OR2T34: variants seen among roughly 807,000 people sequenced by gnomAD.
OR2T34 encodes olfactory receptor family 2 subfamily T member 34, also known as olfactory receptor 2T34.
For synonymous variants in OR2T34, 73 were observed against 151.2 expected (o/e 0.48, Z 3.79); for missense variants, 200 against 384.5 (o/e 0.52, Z 4.01).
In OR2T34 at chr1:248,573,999, C is replaced by G. The variant is rs1659710710; in HGVS notation, c.759G>C (p.Val253=). 6.3e-7 allele frequency: 1 copy of G among 1,576,536 alleles called. No homozygotes were observed. The highest frequency in any genetic ancestry group is 8.6e-7 in the Non-Finnish European group (1 of 1,166,694). The change falls in exon 1 of 1, where the codon GTG becomes GTC. Residue 253 remains valine, a synonymous_variant. Transcript: ENST00000328782. ...LATCSSHMII[V]LLLFGASFYT... ...AGAAGGAAGCACCGAAGAGCAGCAG[C>G]ACTATGATCATGTGGGAGGAGCAGG...
In OR2T34 at chr1:248,573,963, C is replaced by A. The variant is rs1462214440; in HGVS notation, c.795G>T (p.Met265Ile). 9.8e-7 allele frequency: 1 copy of A among 1,016,266 alleles called. No homozygotes were observed. Among genetic ancestry groups the A allele is most frequent in the Admixed American group, 1.9e-5 (1 of 51,680 alleles). The allele number at this position is 1,016,266 out of a possible 1,614,324, so 63.0% of individuals were successfully genotyped here. Residue 265 changes from methionine (M) to isoleucine (I), a missense_variant, in exon 1 of 1, where the codon ATG becomes ATT. Met to Ile is a conservative substitution (Grantham distance 10). Coordinates refer to ENST00000328782, the MANE Select transcript of OR2T34 (RefSeq NM_001001821.1). ...CAGCTGTGTGGTAGGAACTCCGGAG[C>A]ATGTAGGTGTAGAAGGAAGCACCGA... The part of the protein sequence containing the change: ...LLFGASFYTY[M>I]LRSSYHTAEQ...
Position 248,574,001 on chromosome 1 carries a change from C to G in OR2T34, c.757G>C (p.Val253Leu). 1 of 1,578,796 alleles carries G rather than the reference C, an allele frequency of 6.3e-7. No individual in the cohort carries two copies. Among genetic ancestry groups the G allele is most frequent in the Non-Finnish European group, 8.6e-7 (1 of 1,168,098 alleles). The change falls in exon 1 of 1, where the codon GTG (valine) becomes CTG (leucine). Residue 253 changes from valine to leucine, a missense_variant. Coordinates refer to ENST00000328782, the MANE Select transcript of OR2T34 (RefSeq NM_001001821.1). ...AAGGAAGCACCGAAGAGCAGCAGCACTATGATCATGTGGGAGGAGCAGGTG... is the reference window on the plus strand; with the variant it reads ...AAGGAAGCACCGAAGAGCAGCAGCAGTATGATCATGTGGGAGGAGCAGGTG... ...LATCSSHMII[V>L]LLLFGASFYT...
In OR2T34 at chr1:248,574,205, C is replaced by T. The variant is rs142247814; in HGVS notation, c.553G>A (p.Glu185Lys). The change falls in exon 1 of 1, where the codon GAG (glutamate) becomes AAG (lysine). Residue 185 changes from glutamate (E) to lysine (K), a missense_variant. Physicochemically the swap from Glu to Lys is moderately conservative, Grantham distance 56 (BLOSUM62 1). Transcript: ENST00000328782. ...QSRKILSFFC[E>K]TPALLKLSCS... Reference sequence around the variant, plus strand: ...GAGAGCTTCAGCAGGGCAGGAGTCTCACAGAAAAAACTCAGGATTTTCCTA... The same window carrying T: ...GAGAGCTTCAGCAGGGCAGGAGTCTTACAGAAAAAACTCAGGATTTTCCTA... 23 of 1,607,342 alleles carry T rather than the reference C, an allele frequency of 1.4e-5. No homozygotes were observed. In the African/African-American group the frequency reaches 3.0e-4, roughly 21 times the overall value.
chr1:248,574,443 C>A lies in OR2T34; in HGVS notation c.315G>T (p.Gln105His), dbSNP rs2103080771. ...DTISPSGCGI[Q>H]MFFHLTLAGA... Reference sequence around the variant, plus strand: ...CAGCCAGGGTCAGGTGGAAGAACATCTGGATCCCACAGCCTGACGGGGAAA... The same window carrying A: ...CAGCCAGGGTCAGGTGGAAGAACATATGGATCCCACAGCCTGACGGGGAAA... The change falls in exon 1 of 1, where the codon CAG becomes CAT. Residue 105 changes from glutamine (Q) to histidine (H), a missense_variant. Transcript: ENST00000328782. The A allele has an allele frequency of 6.3e-7, 1 of 1,587,012 alleles. No homozygotes were observed. Among genetic ancestry groups the A allele is most frequent in the South Asian group, 1.1e-5 (1 of 90,072 alleles).
chr1:248,574,322 A>C lies in OR2T34; in HGVS notation c.436T>G (p.Cys146Gly), dbSNP rs751899654. ...CAGCAGGCTGACACCAGGAGCTGGCACACCCTCTGGTTCATCAGCAGTGGG... is the reference window on the plus strand; with the variant it reads ...CAGCAGGCTGACACCAGGAGCTGGCCCACCCTCTGGTTCATCAGCAGTGGG... The part of the protein sequence containing the change: ...HYPLLMNQRV[C>G]QLLVSACWVL... The change falls in exon 1 of 1, where the codon TGC becomes GGC. Residue 146 changes from cysteine to glycine, a missense_variant. Transcript: ENST00000328782. 3 of 1,584,252 alleles carry C rather than the reference A, an allele frequency of 1.9e-6. No individual in the cohort carries two copies. The highest frequency in any genetic ancestry group is 1.7e-6 in the Non-Finnish European group (2 of 1,160,222).
At position 248,573,963 on chromosome 1, in the gene OR2T34, C is replaced by G. The variant is rs1462214440; in HGVS notation, c.795G>C (p.Met265Ile). ...LLFGASFYTY[M>I]LRSSYHTAEQ... ...CAGCTGTGTGGTAGGAACTCCGGAG[C>G]ATGTAGGTGTAGAAGGAAGCACCGA... The change falls in exon 1 of 1, where the codon ATG (methionine) becomes ATC (isoleucine). Residue 265 changes from methionine (M) to isoleucine (I), a missense_variant. Transcript: ENST00000328782. 6 of 1,016,268 alleles carry G rather than the reference C, an allele frequency of 5.9e-6. 1 individual carries two copies. The highest frequency in any genetic ancestry group is 2.6e-5 in the African/African-American group (1 of 38,746). 63.0% of individuals were successfully genotyped at this position (1,016,268 alleles called of 1,614,324 possible). A position where few individuals can be genotyped will look rare whatever the true frequency, so the allele number is the denominator to read the frequency against.
Position 248,574,518 on chromosome 1 carries a change from G to C in OR2T34, c.240C>G (p.Cys80Trp). The C allele has an allele frequency of 1.3e-6, 2 of 1,527,498 alleles. No homozygotes were observed. Among genetic ancestry groups the C allele is most frequent in the African/African-American group, 3.0e-5 (2 of 65,736 alleles). The allele number at this position is 1,527,498 out of a possible 1,614,324, so 94.6% of individuals were successfully genotyped here. The change falls in exon 1 of 1, where the codon TGC becomes TGG. Residue 80 changes from cysteine (C) to tryptophan (W), a missense_variant. Physicochemically the swap from Cys to Trp is radical, Grantham distance 215 (BLOSUM62 -2). Transcript: ENST00000328782. ...QLALMDLMYL[C>W]VTVPKMLVGQ... Reference sequence around the variant, plus strand: ...CCACAAGCATCTTGGGCACAGTCACGCATAGGTACATGAGATCCATGAGCG... The same window carrying C: ...CCACAAGCATCTTGGGCACAGTCACCCATAGGTACATGAGATCCATGAGCG...
rs763747813 is a variant in OR2T34, at chr1:248,574,302, G to A, written c.456C>T (p.Ala152=). ...CATCAACCATTCCCAAAACCCAGCA[G>A]GCTGACACCAGGAGCTGGCACACCC... is the stretch of plus-strand genomic sequence containing the variant. ...NQRVCQLLVS[A]CWVLGMVDGL... Residue 152 remains alanine (A), a synonymous_variant, in exon 1 of 1, where the codon GCC becomes GCT. Coordinates refer to ENST00000328782, the MANE Select transcript of OR2T34 (RefSeq NM_001001821.1). The A allele has an allele frequency of 1.3e-6, 2 of 1,586,520 alleles. No individual in the cohort carries two copies. The highest frequency in any genetic ancestry group is 1.7e-6 in the Non-Finnish European group (2 of 1,163,610).
At position 248,574,553 on chromosome 1, in the gene OR2T34, T is replaced by A; in HGVS notation, c.205A>T (p.Ser69Cys). Reference protein sequence around the residue: ...RLHTPMYFFISQLALMDLMYL... With the variant: ...RLHTPMYFFICQLALMDLMYL... ...ATGAGATCCATGAGCGCGAGCTGGC[T>A]GATGAAGAAGTACATGGGGGTGTGG... Residue 69 changes from serine (S) to cysteine (C), a missense_variant, in exon 1 of 1, where the codon AGC (serine) becomes TGC (cysteine). Transcript: ENST00000328782. 2 of 1,534,634 alleles carry A rather than the reference T, an allele frequency of 1.3e-6. No individual in the cohort carries two copies. Among genetic ancestry groups the A allele is most frequent in the Non-Finnish European group, 1.8e-6 (2 of 1,121,504 alleles).
rs759937725 is a variant in OR2T34, at chr1:248,574,435, A to T, written c.323T>A (p.Phe108Tyr). ...SPSGCGIQMF[F>Y]HLTLAGAEVF... ...CTCAGCTCCAGCCAGGGTCAGGTGG[A>T]AGAACATCTGGATCCCACAGCCTGA... The change falls in exon 1 of 1, where the codon TTC becomes TAC. Residue 108 changes from phenylalanine (F) to tyrosine (Y), a missense_variant. Phe to Tyr is a conservative substitution (Grantham distance 22). Transcript: ENST00000328782. 6.3e-6 allele frequency: 10 copies of T among 1,587,088 alleles called. No individual in the cohort carries two copies. The highest frequency in any genetic ancestry group is 8.6e-6 in the Non-Finnish European group (10 of 1,162,278).
Position 248,574,221 on chromosome 1 carries a change from G to C in OR2T34, c.537C>G (p.Ile179Met). ...CAGGAGTCTCACAGAAAAAACTCAGGATTTTCCTAGACTGGCAAAAGGGGA... is the reference window on the plus strand; with the variant it reads ...CAGGAGTCTCACAGAAAAAACTCAGCATTTTCCTAGACTGGCAAAAGGGGA... ...MSFPFCQSRK[I>M]LSFFCETPAL... The change falls in exon 1 of 1, where the codon ATC becomes ATG. Residue 179 changes from isoleucine to methionine, a missense_variant. Transcript: ENST00000328782. The C allele has an allele frequency of 3.1e-6, 5 of 1,606,928 alleles. No individual in the cohort carries two copies. Among genetic ancestry groups the C allele is most frequent in the Non-Finnish European group, 4.2e-6 (5 of 1,178,774 alleles).
In OR2T34 at chr1:248,574,207, C is replaced by A. The variant is rs1162196330; in HGVS notation, c.551G>T (p.Cys184Phe). The A allele has an allele frequency of 3.7e-6, 6 of 1,607,466 alleles. No homozygotes were observed. Among genetic ancestry groups the A allele is most frequent in the Admixed American group, 1.7e-5 (1 of 59,832 alleles). The change falls in exon 1 of 1, where the codon TGT becomes TTT. Residue 184 changes from cysteine to phenylalanine, a missense_variant. Cys to Phe is a radical substitution (Grantham distance 205). Transcript: ENST00000328782. ...CQSRKILSFF[C>F]ETPALLKLSC... ...GAGCTTCAGCAGGGCAGGAGTCTCA[C>A]AGAAAAAACTCAGGATTTTCCTAGA...
Position 248,574,033 on chromosome 1 carries a change from G to T in OR2T34, c.725C>A (p.Ala242Asp). 6.3e-7 allele frequency: 1 copy of T among 1,595,790 alleles called. No homozygotes were observed. Among genetic ancestry groups the T allele is most frequent in the African/African-American group, 1.6e-5 (1 of 64,076 alleles). Residue 242 changes from alanine (A) to aspartate (D), a missense_variant, in exon 1 of 1, where the codon GCC (alanine) becomes GAC (aspartate). Coordinates refer to ENST00000328782, the MANE Select transcript of OR2T34 (RefSeq NM_001001821.1). ...CATGTGGGAGGAGCAGGTGGCCAAGGCCTTCCTGCGGCCGGCGGCAGAATT... is the reference window on the plus strand; with the variant it reads ...CATGTGGGAGGAGCAGGTGGCCAAGTCCTTCCTGCGGCCGGCGGCAGAATT... ...RMNSAAGRRK[A>D]LATCSSHMII...
chr1:248,574,077 C>A lies in OR2T34; in HGVS notation c.681G>T (p.Leu227=). ...CAGAATTCATCCTGTGGATGAGATG[C>A]AGGATGAGGGTGTATGAGCTGGAGA... The part of the protein sequence containing the change: ...MVISSSYTLI[L]HLIHRMNSAA... Residue 227 remains leucine, a synonymous_variant, in exon 1 of 1, where the codon CTG becomes CTT. Coordinates refer to ENST00000328782, the MANE Select transcript of OR2T34 (RefSeq NM_001001821.1). 3 of 1,606,328 alleles carry A rather than the reference C, an allele frequency of 1.9e-6. No individual in the cohort carries two copies. Among genetic ancestry groups the A allele is most frequent in the South Asian group, 1.1e-5 (1 of 91,036 alleles).
Position 248,573,881 on chromosome 1 carries a change from G to C in OR2T34, c.877C>G (p.Leu293Val), listed in dbSNP as rs1454409915. 1 of 1,338,898 alleles carries C rather than the reference G, an allele frequency of 7.5e-7. No individual in the cohort carries two copies. Among genetic ancestry groups the C allele is most frequent in the Non-Finnish European group, 1.0e-6 (1 of 970,196 alleles). 82.9% of individuals were successfully genotyped at this position (1,338,898 alleles called of 1,614,324 possible). A position where few individuals can be genotyped will look rare whatever the true frequency, so the allele number is the denominator to read the frequency against. ...TCTTTGTTGCGGAGACTGTAAATGA[G>C]GGGGTTCAGCACAGGAGTGAAGATG... ...YTIFTPVLNP[L>V]IYSLRNKDVT... Residue 293 changes from leucine (L) to valine (V), a missense_variant, in exon 1 of 1, where the codon CTC (leucine) becomes GTC (valine). By Grantham distance (32) the Leu-to-Val change is conservative (BLOSUM62 1). Transcript: ENST00000328782.
chr1:248,574,178 A>T lies in OR2T34; in HGVS notation c.580T>A (p.Cys194Ser), dbSNP rs377467479. Residue 194 changes from cysteine to serine, a missense_variant, in exon 1 of 1, where the codon TGC (cysteine) becomes AGC (serine). Cys to Ser is a moderately radical substitution (Grantham distance 112). Transcript: ENST00000328782. ...ATCTTATAGAGGGAGACGTCAGAGC[A>T]GGAGAGCTTCAGCAGGGCAGGAGTC... ...CETPALLKLS[C>S]SDVSLYKMLT... 38 of 1,607,360 alleles carry T rather than the reference A, an allele frequency of 2.4e-5. No homozygotes were observed. Among genetic ancestry groups the T allele is most frequent in the South Asian group, 5.5e-5 (5 of 91,060 alleles).
Position 248,574,152 on chromosome 1 carries a change from C to T in OR2T34, c.606G>A (p.Met202Ile), listed in dbSNP as rs1161878210. The T allele has an allele frequency of 3.7e-6, 6 of 1,606,842 alleles. No individual in the cohort carries two copies. Among genetic ancestry groups the T allele is most frequent in the South Asian group, 2.2e-5 (2 of 91,066 alleles). ...LSCSDVSLYK[M>I]LTYLCCILML... is the part of the protein sequence containing the mutation. ...TGAGGATGCAGCACAGGTACGTGAG[C>T]ATCTTATAGAGGGAGACGTCAGAGC... The change falls in exon 1 of 1, where the codon ATG becomes ATA. Residue 202 changes from methionine (M) to isoleucine (I), a missense_variant. Met to Ile is a conservative substitution (Grantham distance 10). Coordinates refer to ENST00000328782, the MANE Select transcript of OR2T34 (RefSeq NM_001001821.1).
Position 248,574,303 on chromosome 1 carries a change from G to A in OR2T34, c.455C>T (p.Ala152Val), listed in dbSNP as rs540699405. Reference sequence around the variant, plus strand: ...ATCAACCATTCCCAAAACCCAGCAGGCTGACACCAGGAGCTGGCACACCCT... The same window carrying A: ...ATCAACCATTCCCAAAACCCAGCAGACTGACACCAGGAGCTGGCACACCCT... Reference protein sequence around the residue: ...NQRVCQLLVSACWVLGMVDGL... With the variant: ...NQRVCQLLVSVCWVLGMVDGL... Residue 152 changes from alanine to valine, a missense_variant, in exon 1 of 1, where the codon GCC (alanine) becomes GTC (valine). Physicochemically the swap from Ala to Val is moderately conservative, Grantham distance 64 (BLOSUM62 0). Coordinates refer to ENST00000328782, the MANE Select transcript of OR2T34 (RefSeq NM_001001821.1). 2.8e-5 allele frequency: 44 copies of A among 1,585,218 alleles called. No individual in the cohort carries two copies. Among genetic ancestry groups the A allele is most frequent in the Non-Finnish European group, 3.6e-5 (42 of 1,162,486 alleles).
chr1:248,574,183 A>C lies in OR2T34; in HGVS notation c.575T>G (p.Leu192Arg). The C allele has an allele frequency of 1.2e-6, 2 of 1,607,356 alleles. No homozygotes were observed. The highest frequency in any genetic ancestry group is 1.7e-6 in the Non-Finnish European group (2 of 1,179,640). ...ATAGAGGGAGACGTCAGAGCAGGAG[A>C]GCTTCAGCAGGGCAGGAGTCTCACA... Reference protein sequence around the residue: ...FFCETPALLKLSCSDVSLYKM... With the variant: ...FFCETPALLKRSCSDVSLYKM... The change falls in exon 1 of 1, where the codon CTC becomes CGC. Residue 192 changes from leucine to arginine, a missense_variant. Coordinates refer to ENST00000328782, the MANE Select transcript of OR2T34 (RefSeq NM_001001821.1).
Sources: allele counts gnomAD v4.1 joint callset, GRCh38; gene constraint gnomAD v4.1.1; transcripts MANE v1.5; gene names NCBI Gene and HGNC (gene_info 2026-07-23, HGNC 2026-07-21).